The following KLHL13 variants were observed in gnomAD, a reference collection of about 807,000 sequenced individuals.
The protein encoded by KLHL13 is kelch-like protein 13.
A neutral mutation model predicts 37.1 loss-of-function variants in KLHL13; 10 were observed. The observed-to-expected ratio is 0.27, with a 90% confidence interval of 0.17 to 0.46. KLHL13 has a LOEUF of 0.46. Among genes scored for constraint, KLHL13 ranks in the 20% least tolerant of loss-of-function variants. The pLI is 1.00. For missense variants in KLHL13, 360 were observed against 509.3 expected (o/e 0.71, Z 2.82); for synonymous variants, 163 against 181.2 (o/e 0.90, Z 0.81).
chrX:118,098,006 A>T (rs1308783162), intron 1 of KLHL13, among the ~76,000 whole-genome samples: 1 of 111,823 alleles, frequency 8.9e-6, no homozygotes, highest in African/African-American at 3.3e-5. Flanking sequence ...TACCATTCAG[A>T]ACATAGGCAT....
At chrX:118,110,624 G>A (rs763062902) in intron 1 of KLHL13, among the ~76,000 whole-genome samples, 13 of 110,434 alleles carry the variant, frequency 1.2e-4, no homozygotes, top group Admixed American at 6.8e-4. Flanking sequence ...TCATCCGCCC[G>A]CCTCGGCCTC....
chrX:117,964,419 T>C (rs969626680), intron 1 of KLHL13, among the ~76,000 whole-genome samples: 17 of 111,967 alleles, frequency 1.5e-4, no homozygotes, highest in African/African-American at 5.5e-4. Context: ...AATTAAGCTA[T>C]TTAATTGCTT....
chrX:118,051,718 T>C lies in KLHL13; in HGVS notation c.-56+64790A>G, dbSNP rs996122980. Among the ~76,000 whole-genome samples the C allele has an allele frequency of 5.3e-4, 59 of 110,847 alleles. 1 individual carries two copies. The highest frequency in any genetic ancestry group is 1.9e-3 in the African/African-American group (58 of 30,511). On this transcript the variant is annotated intron_variant, in intron 1 of 6. Transcript: ENST00000371882. ...CATAAAGATGCAAACTTCCCTCAAA[T>C]TGAATACACAAATTCAATACAATTA... is the stretch of plus-strand genomic sequence containing the variant.
chrX:118,102,249 G>C (rs2055297960), intron 1 of KLHL13, among the ~76,000 whole-genome samples: 1 of 112,000 alleles, frequency 8.9e-6, no homozygotes, highest in Non-Finnish European at 1.9e-5. Flanking sequence ...GTTTACATTA[G>C]GGACAATGTA....
At chrX:118,051,826 C>T (rs2054617191) in intron 1 of KLHL13, among the ~76,000 whole-genome samples, 2 of 111,218 alleles carry the variant, frequency 1.8e-5, no homozygotes, top group South Asian at 7.6e-4. Flanking sequence ...ATTGGGAGAA[C>T]TGAACACATA....
At chrX:118,111,735 A>G (rs1446438084) in intron 1 of KLHL13, among the ~76,000 whole-genome samples, 3 of 112,044 alleles carry the variant, frequency 2.7e-5, no homozygotes, top group Non-Finnish European at 5.6e-5. Context: ...TACTAAAAAT[A>G]CAAAAAACTA....
At position 118,042,617 on chromosome X, in the gene KLHL13, T is replaced by C. The variant is rs2054516605; in HGVS notation, c.-56+73891A>G. On this transcript the variant is annotated intron_variant, in intron 1 of 6. Transcript: ENST00000371882. ...CACTCCTGAATGATCAGTGGGTCAA[T>C]GAAGAAATTTAGAAGCTGTTCTCTC... 5.4e-5 allele frequency among the ~76,000 whole-genome samples: 6 copies of C among 111,600 alleles called. No homozygotes were observed. In the South Asian group the frequency reaches 2.2e-3, roughly 42 times the overall value.
chrX:118,040,520 A>C (rs1420587380), intron 1 of KLHL13, among the ~76,000 whole-genome samples: 2 of 111,974 alleles, frequency 1.8e-5, no homozygotes, highest in East Asian at 5.6e-4. Flanking sequence ...AGAGAGACAA[A>C]AGAAAAAATA....
intron 2 of KLHL13, among the ~76,000 whole-genome samples, chrX:117,930,248 GGAAGGAAGGA>G (rs1932351940): frequency 1.3e-5 from 1 of 76,371 alleles, no homozygotes; most frequent in Non-Finnish European, 2.5e-5. Context: ...AAGGGAGGAA[GGAAGGAAGGA>G]AGGAAGGAAG....
chrX:117,992,197 AG>A (rs1286873633), intron 1 of KLHL13, among the ~76,000 whole-genome samples: 2 of 104,308 alleles, frequency 1.9e-5, no homozygotes, highest in African/African-American at 3.6e-5. Context: ...GGGTGCCTTG[AG>A]GGATAGAGAA....
rs1408639530 is a variant in KLHL13 at position 118,086,123 on chromosome X, G to A, written c.-56+30385C>T. 1.5e-4 allele frequency among the ~76,000 whole-genome samples: 17 copies of A among 111,023 alleles called. No individual in the cohort carries two copies. In the Admixed American group the frequency reaches 1.5e-3, roughly 10 times the overall value. Reference sequence around the variant, plus strand: ...CGGTTAAATTTGTATTTTTAGTAGAGATGGGATTTCACCACGTTGGTCAGG... The same window carrying A: ...CGGTTAAATTTGTATTTTTAGTAGAAATGGGATTTCACCACGTTGGTCAGG... On this transcript the variant is annotated intron_variant, in intron 1 of 6. Coordinates refer to the KLHL13 transcript ENST00000371882.
At chrX:118,104,064 A>C (rs541466403) in intron 1 of KLHL13, among the ~76,000 whole-genome samples, 7,669 of 105,653 alleles carry the variant, frequency 0.073, 269 homozygotes, top group Middle Eastern at 0.13. Context: ...AAAAAAAAAA[A>C]AAAAAAAAAA....
intron 1 of KLHL13, among the ~76,000 whole-genome samples, chrX:118,022,605 T>A (rs186876463): frequency 3.6e-5 from 4 of 112,322 alleles, no homozygotes; most frequent in Non-Finnish European, 7.5e-5. Flanking sequence ...AGCACCTTTT[T>A]ATATGCCTGT....
intron 1 of KLHL13, among the ~76,000 whole-genome samples, chrX:118,078,598 T>C (rs1238855367): frequency 8.9e-6 from 1 of 111,922 alleles, no homozygotes; most frequent in African/African-American, 3.2e-5. Context: ...CAGTACTTTG[T>C]TCCTTTTTAT....
chrX:118,062,059 C>T (rs891512971), intron 1 of KLHL13, among the ~76,000 whole-genome samples: 8 of 110,965 alleles, frequency 7.2e-5, no homozygotes, highest in Non-Finnish European at 1.3e-4. Flanking sequence ...CTCTATTTCT[C>T]ATCACCTAGA....
chrX:117,929,778 C>CA (rs761687127), intron 2 of KLHL13, among the ~76,000 whole-genome samples: 1,490 of 24,964 alleles, frequency 0.06, 120 homozygotes, highest in East Asian at 0.094. Flanking sequence ...ATCGTCTCTA[C>CA]AAAAAAAAAA....
At chrX:117,952,383 C>T (rs1429448915) in intron 1 of KLHL13, among the ~76,000 whole-genome samples, 1 of 109,761 alleles carries the variant, frequency 9.1e-6, no homozygotes, top group Non-Finnish European at 1.9e-5. Flanking sequence ...CCCTTCCTTA[C>T]ACCTTATACA....
chrX:118,068,028 C>T (rs148688337), intron 1 of KLHL13, among the ~76,000 whole-genome samples: 1,563 of 111,758 alleles, frequency 0.014, 28 homozygotes, highest in African/African-American at 0.048. Flanking sequence ...ACCACAAACA[C>T]GTGAAGAATG....
At chrX:117,937,092 C>T (rs1932786986) in intron 2 of KLHL13, among the ~76,000 whole-genome samples, 1 of 111,755 alleles carries the variant, frequency 8.9e-6, no homozygotes, top group Admixed American at 9.5e-5. Context: ...CAGCTACTTT[C>T]AATGCCTTTT....
Sources: allele counts gnomAD v4.1 joint callset (sites outside exome capture counted in the v4.1 genomes callset), GRCh38; gene constraint gnomAD v4.1.1; transcripts MANE v1.5; gene names NCBI Gene and HGNC (gene_info 2026-07-23, HGNC 2026-07-21).